UNC13A: variants seen among roughly 807,000 people sequenced by gnomAD.
UNC13A encodes the protein protein unc-13 homolog A.
Under a neutral mutation model 219.7 loss-of-function variants are expected in UNC13A, and 61 were observed. That is an observed-to-expected ratio of 0.28 (90% CI 0.23 to 0.34). UNC13A has a LOEUF of 0.34. UNC13A is among the 10% of genes least tolerant of loss of function. UNC13A has a pLI of 1.00. For synonymous variants in UNC13A, 920 were observed against 884.6 expected (o/e 1.04, Z -0.71); for missense variants, 1,476 against 2,270.3 (o/e 0.65, Z 7.11).
chr19:17,618,459 G>T lies in UNC13A; in HGVS notation c.4372C>A (p.Gln1458Lys). 6.3e-7 allele frequency: 1 copy of T among 1,593,082 alleles called. No homozygotes were observed. Among genetic ancestry groups the T allele is most frequent in the Non-Finnish European group, 8.5e-7 (1 of 1,169,638 alleles). ...AGGGCCAACTCAACAACCGCGCACT[G>T]CTTTGGGGTCAAGCTCTTGGCTTCT... is the stretch of plus-strand genomic sequence containing the variant. ...REEAKSLTPK[Q>K]CAVVELALDT... Residue 1458 changes from glutamine (Q) to lysine (K), a missense_variant, in exon 40 of 44, where the codon CAG (glutamine) becomes AAG (lysine). By Grantham distance (53) the Gln-to-Lys change is moderately conservative. Coordinates refer to ENST00000519716, the MANE Select transcript of UNC13A (RefSeq NM_001080421.3).
intron 38 of UNC13A, among the ~76,000 whole-genome samples, chr19:17,619,333 C>T (rs2144957327): frequency 1.3e-5 from 2 of 150,774 alleles, no homozygotes; most frequent in Non-Finnish European, 3.0e-5. Flanking sequence ...GCTGAGGTTG[C>T]AGAAAATGGC....
At position 17,686,298 on chromosome 19, in the gene UNC13A, G is replaced by GCCCCCCCCCCCCCCCCCC. The variant is rs533722538; in HGVS notation, c.22+1862_22+1879dup. On this transcript the variant is annotated intron_variant, in intron 1 of 43. Coordinates refer to ENST00000519716, the MANE Select transcript of UNC13A (RefSeq NM_001080421.3). The stretch of plus-strand genomic sequence containing the variant: ...CGTCAGAGTTAAGGGTGAGATCCCC[G>GCCCCCCCCCCCCCCCCCC]CCCCCCCCCCCCCCCCCCCACTCCA... Among the ~76,000 whole-genome samples, 2 of 81,902 alleles carry GCCCCCCCCCCCCCCCCCC rather than the reference G, an allele frequency of 2.4e-5. 1 individual carries two copies. The highest frequency in any genetic ancestry group is 6.8e-5 in the African/African-American group (2 of 29,316). The allele number at this position is 81,902 out of a possible 152,430, so 53.7% of individuals were successfully genotyped here. A position where few individuals can be genotyped will look rare whatever the true frequency, so the allele number is the denominator to read the frequency against.
intron 15 of UNC13A, 66 bp from the exon 16 acceptor site, chr19:17,648,716 T>C: frequency 6.4e-7 from 1 of 1,565,348 alleles, no homozygotes; most frequent in Admixed American, 1.8e-5. Context: ...CCTGCCCCAT[T>C]CCGCCCCATC....
At chr19:17,642,053 CATCT>C (rs1307919330) in intron 20 of UNC13A, among the ~76,000 whole-genome samples, 2 of 151,866 alleles carry the variant, frequency 1.3e-5, no homozygotes, top group Non-Finnish European at 2.9e-5. Context: ...TCCATCCATC[CATCT>C]ACCTATCTAC....
chr19:17,678,711 G>T (rs912533330), intron 1 of UNC13A, among the ~76,000 whole-genome samples: 5 of 152,012 alleles, frequency 3.3e-5, no homozygotes, highest in Middle Eastern at 3.2e-3. Flanking sequence ...CAGGAGCTTT[G>T]GGCCTGGCTC....
At chr19:17,684,946 G>A (rs2080082050) in intron 1 of UNC13A, among the ~76,000 whole-genome samples, 1 of 152,184 alleles carries the variant, frequency 6.6e-6, no homozygotes, top group Non-Finnish European at 1.5e-5. Flanking sequence ...ATGCAGTTCT[G>A]TGGCAGCTGT....
chr19:17,651,524 C>G (rs1388446947), intron 12 of UNC13A, among the ~76,000 whole-genome samples: 1 of 152,194 alleles, frequency 6.6e-6, no homozygotes, highest in Non-Finnish European at 1.5e-5. Flanking sequence ...CCAAGCCTGG[C>G]CCCGAAAAGG....
chr19:17,684,950 C>T (rs2080082141), intron 1 of UNC13A, among the ~76,000 whole-genome samples: 1 of 152,154 alleles, frequency 6.6e-6, no homozygotes, highest in African/African-American at 2.4e-5. Context: ...AGTTCTGTGG[C>T]AGCTGTATTT....
intron 43 of UNC13A, among the ~76,000 whole-genome samples, chr19:17,609,044 G>A (rs968908367): frequency 2.7e-5 from 4 of 146,050 alleles, no homozygotes; most frequent in South Asian, 2.2e-4. Context: ...TGCACCCTCC[G>A]CCTCCCGGAC....
chr19:17,686,112 C>A (rs375878467), intron 1 of UNC13A, among the ~76,000 whole-genome samples: 25 of 151,886 alleles, frequency 1.6e-4, no homozygotes, highest in African/African-American at 5.3e-4. Context: ...CCCAGCCTTG[C>A]CCCTCCCAGC....
intron 1 of UNC13A, among the ~76,000 whole-genome samples, chr19:17,686,769 C>T (rs2080120512): frequency 2.0e-5 from 3 of 149,262 alleles, no homozygotes; most frequent in South Asian, 2.2e-4. Context: ...CGGAAGCTGC[C>T]GCGGCGGGGA....
intron 41 of UNC13A, among the ~76,000 whole-genome samples, chr19:17,616,623 G>A (rs1349904406): frequency 6.6e-6 from 1 of 152,074 alleles, no homozygotes; most frequent in Non-Finnish European, 1.5e-5. Flanking sequence ...ACAAGAGAGA[G>A]AGAAACGTCA....
At chr19:17,635,886 A>C in intron 26 of UNC13A, 138 bp downstream of exon 26, 3 of 1,015,514 alleles carry the variant, frequency 3.0e-6, no homozygotes, top group Non-Finnish European at 4.1e-6. Context: ...AATTTTGCAC[A>C]GGTATAATCA....
chr19:17,610,074 C>T lies in UNC13A; in HGVS notation c.4677G>A (p.Trp1559Ter). The T allele has an allele frequency of 6.2e-7, 1 of 1,614,044 alleles. No individual in the cohort carries two copies. The highest frequency in any genetic ancestry group is 8.5e-7 in the Non-Finnish European group (1 of 1,179,902). ...VKVVAANDLK[W>*]QTSGIFRPFI... Reference sequence around the variant, plus strand: ...ACGGCCGGAAGATGCCAGAAGTCTGCCACTTGAGGTCATTGGCAGCCACCA... The same window carrying T: ...ACGGCCGGAAGATGCCAGAAGTCTGTCACTTGAGGTCATTGGCAGCCACCA... Residue 1559 changes from tryptophan (W) to a stop codon, truncating the protein, a stop_gained, in exon 43 of 44, where the codon TGG (tryptophan) becomes TGA (stop). Transcript: ENST00000519716. LOFTEE classifies it high-confidence loss of function.
At chr19:17,672,043 G>C (rs2079798816) in intron 4 of UNC13A, among the ~76,000 whole-genome samples, 1 of 152,094 alleles carries the variant, frequency 6.6e-6, no homozygotes, top group Non-Finnish European at 1.5e-5. Flanking sequence ...TTGCAGCAAG[G>C]TGTTGGCCAC....
intron 1 of UNC13A, among the ~76,000 whole-genome samples, chr19:17,685,300 C>G (rs2080087474): frequency 6.6e-6 from 1 of 152,108 alleles, no homozygotes; most frequent in Non-Finnish European, 1.5e-5. Context: ...AAGTGATTCT[C>G]CTTCCTCAGC....
At chr19:17,659,965 A>G (rs1233243290) in intron 8 of UNC13A, among the ~76,000 whole-genome samples, 11 of 152,280 alleles carry the variant, frequency 7.2e-5, no homozygotes, top group Non-Finnish European at 4.4e-5. Flanking sequence ...GCGCGATCAA[A>G]ACTCACTGAA....
intron 4 of UNC13A, 65 bp from the exon 5 acceptor site, chr19:17,669,741 A>T (rs1432135346): frequency 6.6e-7 from 1 of 1,519,916 alleles, no homozygotes; most frequent in Non-Finnish European, 8.9e-7. Context: ...CAGGGCCCCT[A>T]CTCTCGCATG....
rs777984449 is a variant in UNC13A at position 17,655,935 on chromosome 19, C to T, written c.1231G>A (p.Val411Met). 26 of 1,540,580 alleles carry T rather than the reference C, an allele frequency of 1.7e-5. No individual in the cohort carries two copies. The Admixed American group carries it at 4.8e-4, about 29-fold the overall frequency. The change falls in exon 10 of 44, where the codon GTG becomes ATG. Residue 411 changes from valine (V) to methionine (M), a missense_variant. Transcript: ENST00000519716. ...VAPKPATPDKVPAAEQIPEAE... is the reference protein window; with the variant it reads ...VAPKPATPDKMPAAEQIPEAE... ...TCAGGGATCTGCTCAGCTGCAGGCA[C>T]CTTGTCGGGCGTGGCTGGCTTGGGG...
Sources: gnomAD v4.1 joint callset for allele counts (sites outside exome capture counted in the v4.1 genomes callset) on GRCh38, gnomAD v4.1.1 for gene constraint, MANE v1.5 for transcripts, NCBI Gene and HGNC (gene_info 2026-07-23, HGNC 2026-07-21) for gene names.